The following KCNN3 variants were observed in gnomAD, a reference collection of about 807,000 sequenced individuals.
The protein encoded by KCNN3 is potassium calcium-activated channel subfamily N member 3.
Under a neutral mutation model 62.9 loss-of-function variants are expected in KCNN3, and 16 were observed. That is an observed-to-expected ratio of 0.25 (90% confidence interval 0.17 to 0.39). KCNN3 has a LOEUF of 0.39. Among genes scored for constraint, KCNN3 ranks in the 10% least tolerant of loss-of-function variants. The pLI is 1.00. For synonymous variants in KCNN3, 370 were observed against 389.2 expected (o/e 0.95, Z 0.58); for missense variants, 599 against 949.4 (o/e 0.63, Z 4.85).
chr1:154,734,542 C>T (rs896744428), intron 3 of KCNN3, among the ~76,000 whole-genome samples: 1 of 152,200 alleles, frequency 6.6e-6, no homozygotes, highest in Non-Finnish European at 1.5e-5. Flanking sequence ...GGGTCTGTGC[C>T]CAGCGAGTGA....
rs543571613 is a variant in KCNN3, at chr1:154,846,550, A to C, written c.933+22482T>G. Among the ~76,000 whole-genome samples the C allele has an allele frequency of 4.3e-4, 65 of 152,004 alleles. 1 individual carries two copies. Among genetic ancestry groups the C allele is most frequent in the East Asian group, 1.4e-3 (7 of 5,154 alleles). On this transcript the variant is annotated intron_variant, in intron 1 of 7. Transcript: ENST00000271915. ...ACCAGACTTTTTGTTGGCTTTATTT[A>C]TTTTTCTATATCCTCTACAGACAGT...
In KCNN3 at chr1:154,742,535, G is replaced by A. The variant is rs114334033; in HGVS notation, c.1449-9391C>T. On this transcript the variant is annotated intron_variant, in intron 3 of 7. Transcript: ENST00000271915. ...TGTCTAAAATGATTAGAGCAGTGCC[G>A]GGCACATAGGTGCACTAAAAAAAAG... Among the ~76,000 whole-genome samples the A allele has an allele frequency of 8.0e-3, 1,215 of 152,262 alleles. 20 individuals are homozygous for A. The highest frequency in any genetic ancestry group is 0.028 in the African/African-American group (1,150 of 41,542).
At chr1:154,750,035 G>C (rs1647292319) in intron 3 of KCNN3, among the ~76,000 whole-genome samples, 2 of 152,198 alleles carry the variant, frequency 1.3e-5, no homozygotes, top group Non-Finnish European at 2.9e-5. Context: ...TTTCTCAGGG[G>C]CTGGTCCGGC....
In KCNN3 at chr1:154,707,883, G is replaced by T. The variant is rs1699994761; in HGVS notation, c.*93C>A. ...TCGGTCTCTCTTCTTTCCGTTCCCT[G>T]GTCTGAATGTTTCTTGATGGCAAAG... On this transcript the variant is annotated 3_prime_UTR_variant, in exon 8 of 8. Transcript: ENST00000271915. The T allele has an allele frequency of 1.5e-6, 2 of 1,370,994 alleles. No individual in the cohort carries two copies. Among genetic ancestry groups the T allele is most frequent in the Non-Finnish European group, 2.0e-6 (2 of 992,054 alleles). 84.9% of individuals were successfully genotyped at this position (1,370,994 alleles called of 1,614,324 possible). A position where few individuals can be genotyped will look rare whatever the true frequency, so the allele number is the denominator to read the frequency against.
At chr1:154,843,812 A>G (rs1304741636) in intron 1 of KCNN3, among the ~76,000 whole-genome samples, 1 of 152,250 alleles carries the variant, frequency 6.6e-6, no homozygotes, top group African/African-American at 2.4e-5. Context: ...ACGAAGTCCA[A>G]TGCCTCAGCA....
intron 1 of KCNN3, among the ~76,000 whole-genome samples, chr1:154,843,615 G>A (rs1651925102): frequency 6.6e-6 from 1 of 152,168 alleles, no homozygotes; most frequent in Non-Finnish European, 1.5e-5. Flanking sequence ...GGGAGGCTGG[G>A]AGAGAAAAGC....
intron 4 of KCNN3, among the ~76,000 whole-genome samples, chr1:154,726,254 C>T (rs190535247): frequency 1.3e-5 from 2 of 152,326 alleles, no homozygotes; most frequent in East Asian, 1.9e-4. Flanking sequence ...TTGTGCTCTG[C>T]AGCTGACCTC....
In KCNN3 at chr1:154,700,998, G is replaced by A. The variant is rs1160002494; in HGVS notation, c.*6978C>T. ...AGTTCAGATGGCTTTAGTGGAGCTC[G>A]GCCTAACATATAACTGAGGAGTAAT... is the stretch of plus-strand genomic sequence containing the variant. On this transcript the variant is annotated 3_prime_UTR_variant, in exon 8 of 8. Transcript: ENST00000271915. 4.6e-5 allele frequency: 7 copies of A among 151,906 alleles called. No individual in the cohort carries two copies. Among genetic ancestry groups the A allele is most frequent in the East Asian group, 1.9e-4 (1 of 5,182 alleles). 9.4% of individuals were successfully genotyped at this position (151,906 alleles called of 1,614,324 possible). A position where few individuals can be genotyped will look rare whatever the true frequency, so the allele number is the denominator to read the frequency against.
chr1:154,850,765 A>C (rs1470067683), intron 1 of KCNN3, among the ~76,000 whole-genome samples: 3 of 152,212 alleles, frequency 2.0e-5, no homozygotes, highest in Non-Finnish European at 4.4e-5. Context: ...GTTTTGTATC[A>C]TTTCAGTAAG....
intron 2 of KCNN3, among the ~76,000 whole-genome samples, chr1:154,804,477 T>C (rs1650085526): frequency 6.6e-6 from 1 of 152,244 alleles, no homozygotes; most frequent in African/African-American, 2.4e-5. Context: ...AAGTCAACAC[T>C]GTATTATATC....
rs1699842099 is a variant in KCNN3, at chr1:154,700,955, T to C, written c.*7021A>G. 1 of 152,146 alleles carries C rather than the reference T, an allele frequency of 6.6e-6. No homozygotes were observed. Among genetic ancestry groups the C allele is most frequent in the African/African-American group, 2.4e-5 (1 of 41,422 alleles). 9.4% of individuals were successfully genotyped at this position (152,146 alleles called of 1,614,324 possible). ...ATTATCCGGTGAGTAAGTAACCTGATAAAAACAAGTGCCCTGGAGTTCAGA... is the reference window on the plus strand; with the variant it reads ...ATTATCCGGTGAGTAAGTAACCTGACAAAAACAAGTGCCCTGGAGTTCAGA... On this transcript the variant is annotated 3_prime_UTR_variant, in exon 8 of 8. Transcript: ENST00000271915.
At chr1:154,820,928 G>A (rs1413587626) in intron 2 of KCNN3, among the ~76,000 whole-genome samples, 1 of 152,228 alleles carries the variant, frequency 6.6e-6, no homozygotes, top group Non-Finnish European at 1.5e-5. Flanking sequence ...TCTAAGAGGA[G>A]GAGGCACTCC....
At chr1:154,822,936 G>C (rs1650964938) in intron 1 of KCNN3, among the ~76,000 whole-genome samples, 4 of 152,228 alleles carry the variant, frequency 2.6e-5, no homozygotes, top group Admixed American at 2.6e-4. Flanking sequence ...GGGCCAGACT[G>C]CTGGGTCCCA....
intron 1 of KCNN3, among the ~76,000 whole-genome samples, chr1:154,829,719 C>T (rs1433900387): frequency 6.6e-6 from 1 of 152,186 alleles, no homozygotes; most frequent in Non-Finnish European, 1.5e-5. Context: ...CCTCCTCAGC[C>T]CCCATCCCTG....
At chr1:154,827,023 C>G (rs1232646090) in intron 1 of KCNN3, among the ~76,000 whole-genome samples, 1 of 152,184 alleles carries the variant, frequency 6.6e-6, no homozygotes, top group African/African-American at 2.4e-5. Context: ...CTGTCACTGG[C>G]TGAAACCCCC....
chr1:154,743,525 C>T (rs1371263038), intron 3 of KCNN3, among the ~76,000 whole-genome samples: 1 of 152,228 alleles, frequency 6.6e-6, no homozygotes, highest in Non-Finnish European at 1.5e-5. Context: ...TGCCTCAGAG[C>T]CCCTCACCTG....
rs1356854628 is a variant in KCNN3 at position 154,844,258 on chromosome 1, T to G, written c.934-22074A>C. 2.0e-5 allele frequency among the ~76,000 whole-genome samples: 3 copies of G among 152,258 alleles called. No homozygotes were observed. In the East Asian group the frequency reaches 5.8e-4, roughly 29 times the overall value. On this transcript the variant is annotated intron_variant, in intron 1 of 7. Transcript: ENST00000271915. ...CGCGTTCTTGTCAGGCTTTTAGACT[T>G]TATAAAGCAATTTTGCTACCTTTAA... is the stretch of plus-strand genomic sequence containing the variant.
At chr1:154,782,913 G>C (rs1649111041) in intron 2 of KCNN3, among the ~76,000 whole-genome samples, 1 of 152,196 alleles carries the variant, frequency 6.6e-6, no homozygotes. Context: ...GCTTTACTTT[G>C]TCTTCTAAAG....
At chr1:154,831,045 C>A (rs534011271) in intron 1 of KCNN3, among the ~76,000 whole-genome samples, 2 of 152,304 alleles carry the variant, frequency 1.3e-5, no homozygotes, top group Non-Finnish European at 2.9e-5. Flanking sequence ...ACAATATTGG[C>A]AAAGATTCCA....
Sources: gnomAD v4.1 joint callset for allele counts (sites outside exome capture counted in the v4.1 genomes callset) on GRCh38, gnomAD v4.1.1 for gene constraint, MANE v1.5 for transcripts, NCBI Gene and HGNC (gene_info 2026-07-23, HGNC 2026-07-21) for gene names.